Variants in CENPF observed in about 807,000 individuals in gnomAD.
CENPF encodes the protein centromere protein F, also known as AH antigen.
CENPF carries 214 observed loss-of-function variants against 307.3 expected under a neutral mutation model. The observed-to-expected ratio is 0.70, with a 90% CI of 0.62 to 0.78. CENPF has a LOEUF of 0.78. CENPF is among the 30% of genes least tolerant of loss of function. The pLI, the probability that CENPF is intolerant of heterozygous loss-of-function variation, is 0.00. For missense variants in CENPF, 3,401 were observed against 3,483.9 expected (o/e 0.98, Z 0.60); for synonymous variants, 1,259 against 1,270.6 (o/e 0.99, Z 0.19).
chr1:214,644,857 C>A lies in CENPF; in HGVS notation c.5287C>A (p.Leu1763Met). Reference sequence around the variant, plus strand: ...TAATGCTTTGGTACCTATGGATTTCCTGGGGAATCAGGAAGATATCCATAA... The same window carrying A: ...TAATGCTTTGGTACCTATGGATTTCATGGGGAATCAGGAAGATATCCATAA... ...GPNALVPMDFLGNQEDIHNLQ... is the reference protein window; with the variant it reads ...GPNALVPMDFMGNQEDIHNLQ... Residue 1763 changes from leucine (L) to methionine (M), a missense_variant, in exon 13 of 20, where the codon CTG becomes ATG. Leu to Met is a conservative substitution (Grantham distance 15). Transcript: ENST00000366955. 1 of 1,613,992 alleles carries A rather than the reference C, an allele frequency of 6.2e-7. No homozygotes were observed. The highest frequency in any genetic ancestry group is 1.7e-5 in the Admixed American group (1 of 60,012).
At chr1:214,605,752 G>A in intron 1 of CENPF, 1 of 1,594,136 alleles carries the variant, frequency 6.3e-7, no homozygotes, top group Non-Finnish European at 8.5e-7. Context: ...GCTCGATGTC[G>A]TTGTGCCTGG....
At position 214,647,519 on chromosome 1, in the gene CENPF, C is replaced by T. The variant is rs1184101964; in HGVS notation, c.7830+119C>T. ...ACCGTGTCTGCTATATTGGACCAAACTTTGTAAAGGCTTTATGTTTACTGG... is the reference window on the plus strand; with the variant it reads ...ACCGTGTCTGCTATATTGGACCAAATTTTGTAAAGGCTTTATGTTTACTGG... On this transcript the variant is annotated intron_variant, in intron 13 of 19. Transcript: ENST00000366955. 5 of 1,151,204 alleles carry T rather than the reference C, an allele frequency of 4.3e-6. No individual in the cohort carries two copies. In the East Asian group the frequency reaches 7.8e-5, roughly 18 times the overall value. The allele number at this position is 1,151,204 out of a possible 1,614,324, so 71.3% of individuals were successfully genotyped here. A position where few individuals can be genotyped will look rare whatever the true frequency, so the allele number is the denominator to read the frequency against.
intron 15 of CENPF, 57 bp downstream of exon 15, chr1:214,651,943 AG>A: frequency 7.0e-7 from 1 of 1,424,056 alleles, no homozygotes; most frequent in Non-Finnish European, 9.3e-7. Context: ...GATCATGGTA[AG>A]GCTTTTTTTT....
At chr1:214,634,608 A>G (rs1657905731) in intron 10 of CENPF, among the ~76,000 whole-genome samples, 1 of 152,250 alleles carries the variant, frequency 6.6e-6, no homozygotes, top group South Asian at 2.1e-4. Context: ...TGCCCAGCAC[A>G]TAAGTGCTCA....
intron 1 of CENPF, among the ~76,000 whole-genome samples, chr1:214,607,824 G>A (rs1444647768): frequency 6.6e-6 from 1 of 152,188 alleles, no homozygotes; most frequent in African/African-American, 2.4e-5. Flanking sequence ...GATGTGTGCT[G>A]GGGGTCTGCA....
intron 4 of CENPF, 107 bp downstream of exon 4, chr1:214,618,801 A>G (rs1657428768): frequency 8.5e-7 from 1 of 1,176,832 alleles, no homozygotes; most frequent in Non-Finnish European, 1.2e-6. Context: ...TTTAATGTAT[A>G]TGTTTAAAAA....
At chr1:214,618,760 T>C in intron 4 of CENPF, 66 bp downstream of exon 4, 1 of 1,459,374 alleles carries the variant, frequency 6.9e-7, no homozygotes, top group Admixed American at 2.2e-5. Flanking sequence ...TTCTGCAAAA[T>C]AAATGAATTA....
intron 1 of CENPF, among the ~76,000 whole-genome samples, chr1:214,612,131 T>C (rs953845911): frequency 1.3e-5 from 2 of 152,236 alleles, no homozygotes; most frequent in African/African-American, 2.4e-5. Context: ...ATGGCTCTTA[T>C]TATTTTGAGG....
rs1658106737 is a variant in CENPF at position 214,641,345 on chromosome 1, T to C, written c.3007T>C (p.Tyr1003His). 5.0e-6 allele frequency: 8 copies of C among 1,611,214 alleles called. No homozygotes were observed. Among genetic ancestry groups the C allele is most frequent in the Non-Finnish European group, 6.8e-6 (8 of 1,179,344 alleles). Residue 1003 changes from tyrosine (Y) to histidine (H), a missense_variant, in exon 12 of 20, where the codon TAT (tyrosine) becomes CAT (histidine). Tyr to His is a moderately conservative substitution (Grantham distance 83, BLOSUM62 2). Coordinates refer to ENST00000366955, the MANE Select transcript of CENPF (RefSeq NM_016343.4). The stretch of plus-strand genomic sequence containing the variant: ...CCAGAAAAGTGAGAGTTTTGCAAAC[T>C]ATATAGATGAAAGGGAGAAAAGCAT... ...LIQKSESFAN[Y>H]IDEREKSISE...
intron 17 of CENPF, among the ~76,000 whole-genome samples, chr1:214,656,229 C>T (rs1450784194): frequency 2.6e-5 from 4 of 152,178 alleles, no homozygotes; most frequent in Non-Finnish European, 4.4e-5. Context: ...GTGGCATGTG[C>T]TTACCGTGTG....
At chr1:214,625,034 A>G (rs1034763704) in intron 7 of CENPF, among the ~76,000 whole-genome samples, 3 of 151,836 alleles carry the variant, frequency 2.0e-5, no homozygotes, top group Non-Finnish European at 4.4e-5. Context: ...TTTAGTGTCC[A>G]TGGTAATTTT....
chr1:214,643,058 G>C lies in CENPF; in HGVS notation c.4720G>C (p.Gly1574Arg). ...EKLEEKMESQ[G>R]IMKNKEIQEL... ...GCTAGAAGAGAAAATGGAAAGTCAAGGGATTATGAAAAATAAGGAAATTCA... is the reference window on the plus strand; with the variant it reads ...GCTAGAAGAGAAAATGGAAAGTCAACGGATTATGAAAAATAAGGAAATTCA... The change falls in exon 12 of 20, where the codon GGG becomes CGG. Residue 1574 changes from glycine (G) to arginine (R), a missense_variant. Transcript: ENST00000366955. The C allele has an allele frequency of 6.2e-7, 1 of 1,610,674 alleles. No individual in the cohort carries two copies. The highest frequency in any genetic ancestry group is 8.5e-7 in the Non-Finnish European group (1 of 1,179,142).
rs574800203 is a variant in CENPF, at chr1:214,653,496, G to T, written c.8322+507G>T. On this transcript the variant is annotated intron_variant, in intron 16 of 19. Transcript: ENST00000366955. ...TTTTTTTTTTTTAGGAACAATGAAG[G>T]TGAACCCTAGTCTCAGGATTGCTAG... is the stretch of plus-strand genomic sequence containing the variant. 57 of 154,716 alleles carry T rather than the reference G, an allele frequency of 3.7e-4. No homozygotes were observed. The South Asian group carries it at 0.011, about 31-fold the overall frequency. 9.6% of individuals were successfully genotyped at this position (154,716 alleles called of 1,614,324 possible). A position where few individuals can be genotyped will look rare whatever the true frequency, so the allele number is the denominator to read the frequency against.
intron 7 of CENPF, among the ~76,000 whole-genome samples, chr1:214,628,135 T>C (rs1410448675): frequency 6.6e-6 from 1 of 152,178 alleles, no homozygotes; most frequent in Non-Finnish European, 1.5e-5. Flanking sequence ...TGTTTTAGAG[T>C]ATTATGGAGC....
chr1:214,606,109 G>A, intron 1 of CENPF: 2 of 1,571,956 alleles, frequency 1.3e-6, no homozygotes, highest in Admixed American at 3.5e-5. Context: ...GTCAGCCGCG[G>A]CCTCCGACGC....
In CENPF at chr1:214,642,974, G is replaced by A. The variant is rs768578259; in HGVS notation, c.4636G>A (p.Ala1546Thr). 6.2e-7 allele frequency: 1 copy of A among 1,612,420 alleles called. No homozygotes were observed. The highest frequency in any genetic ancestry group is 1.7e-5 in the Admixed American group (1 of 59,652). ...LTRKETPSAP[A>T]KGVEELESLC... ...CAGGAAAGAAACCCCTTCGGCCCCA[G>A]CGAAGGGTGTTGAAGAGCTTGAGTC... The change falls in exon 12 of 20, where the codon GCG becomes ACG. Residue 1546 changes from alanine (A) to threonine (T), a missense_variant. Physicochemically the swap from Ala to Thr is moderately conservative, Grantham distance 58. Transcript: ENST00000366955.
At chr1:214,647,831 C>T (rs1658354915) in intron 13 of CENPF, 3 of 320,018 alleles carry the variant, frequency 9.4e-6, no homozygotes, top group South Asian at 5.4e-5. Flanking sequence ...TTTTTGCCTT[C>T]AGGACAAAGC....
intron 1 of CENPF, chr1:214,606,185 CA>C: frequency 8.7e-7 from 1 of 1,151,694 alleles, no homozygotes; most frequent in Non-Finnish European, 1.2e-6. Flanking sequence ...CCAGTCTCCC[CA>C]CTCAGCCAAG....
rs552844315 is a variant in CENPF at position 214,660,713 on chromosome 1, G to A, written c.9141+1685G>A. On this transcript the variant is annotated intron_variant, in intron 19 of 19. Transcript: ENST00000366955. ...TGTCTCACACTTCTGGAGATCAAAC[G>A]AAGTATTTGACTCTCTTAGAAAACC... is the stretch of plus-strand genomic sequence containing the variant. 7.2e-5 allele frequency among the ~76,000 whole-genome samples: 11 copies of A among 152,306 alleles called. No individual in the cohort carries two copies. The South Asian group carries it at 1.7e-3, about 23-fold the overall frequency.
Sources: allele counts gnomAD v4.1 joint callset (sites outside exome capture counted in the v4.1 genomes callset), GRCh38; gene constraint gnomAD v4.1.1; transcripts MANE v1.5; gene names NCBI Gene and HGNC (gene_info 2026-07-23, HGNC 2026-07-21).